Variants in ANGPT1 observed in about 807,000 individuals in gnomAD.
The protein encoded by ANGPT1 is angiopoietin 1.
In ANGPT1, 17 loss-of-function variants were observed where a neutral mutation model predicts 62.2. The observed-to-expected ratio is 0.27, with a 90% CI of 0.19 to 0.41. The LOEUF (loss-of-function observed/expected upper bound fraction) is 0.41, where lower values mean the gene tolerates loss of function less well. Ranked by LOEUF, ANGPT1 falls within the 10% of genes least tolerant of loss-of-function variation. The pLI, the probability that ANGPT1 is intolerant of heterozygous loss-of-function variation, is 1.00. For missense variants in ANGPT1, 478 were observed against 594.9 expected, an observed-to-expected ratio of 0.80 and a Z score of 2.04; for synonymous variants, 199 against 198.9, an observed-to-expected ratio of 1.00 and a Z score of 0.00.
chr8:107,272,900 AAAACT>A (rs1363825505), intron 7 of ANGPT1, among the ~76,000 whole-genome samples: 1 of 151,776 alleles, frequency 6.6e-6, no homozygotes, highest in African/African-American at 2.4e-5. Context: ...AAAAAAAAAA[AAAACT>A]GAGTGCCAAA....
At chr8:107,429,154 A>G (rs1431964930) in intron 1 of ANGPT1, among the ~76,000 whole-genome samples, 1 of 152,230 alleles carries the variant, frequency 6.6e-6, no homozygotes, top group Non-Finnish European at 1.5e-5. Context: ...AATTGCTCAA[A>G]TTAATAGGTG....
At chr8:107,272,134 T>C (rs2130073852) in intron 7 of ANGPT1, among the ~76,000 whole-genome samples, 1 of 152,174 alleles carries the variant, frequency 6.6e-6, no homozygotes, top group African/African-American at 2.4e-5. Flanking sequence ...AAGCTACAGA[T>C]GTCCTGAGGT....
At chr8:107,453,860 TA>T (rs71562146) in intron 1 of ANGPT1, among the ~76,000 whole-genome samples, 87 of 148,030 alleles carry the variant, frequency 5.9e-4, no homozygotes, top group African/African-American at 1.5e-3. Context: ...TGCTGAGATT[TA>T]AAAAAAAAAA....
At chr8:107,473,386 A>G (rs903736008) in intron 1 of ANGPT1, among the ~76,000 whole-genome samples, 5 of 152,046 alleles carry the variant, frequency 3.3e-5, no homozygotes, top group Admixed American at 2.0e-4. Flanking sequence ...ACAGTTTGCT[A>G]TTACAGAATT....
At chr8:107,338,684 T>C (rs1167992292) in intron 2 of ANGPT1, among the ~76,000 whole-genome samples, 2 of 152,192 alleles carry the variant, frequency 1.3e-5, no homozygotes, top group African/African-American at 4.8e-5. Context: ...GAAGGTAGAG[T>C]TTGGAGTAGC....
intron 4 of ANGPT1, among the ~76,000 whole-genome samples, chr8:107,314,834 A>G (rs914852957): frequency 3.9e-5 from 6 of 152,222 alleles, no homozygotes; most frequent in Non-Finnish European, 7.3e-5. Flanking sequence ...TTCCATTTTT[A>G]TCAATGTTTA....
chr8:107,288,373 C>G (rs1011234437), intron 6 of ANGPT1, among the ~76,000 whole-genome samples: 6 of 152,254 alleles, frequency 3.9e-5, no homozygotes, highest in East Asian at 1.9e-4. Context: ...CAAGCCCTCT[C>G]TTTCCATATC....
chr8:107,342,117 T>G (rs1815708741), intron 2 of ANGPT1, among the ~76,000 whole-genome samples: 1 of 152,194 alleles, frequency 6.6e-6, no homozygotes. Context: ...TGTTCTTAGT[T>G]GGGTCAGACA....
chr8:107,280,921 G>A (rs1813989863), intron 7 of ANGPT1, among the ~76,000 whole-genome samples: 1 of 152,186 alleles, frequency 6.6e-6, no homozygotes, highest in Non-Finnish European at 1.5e-5. Flanking sequence ...CTGGGTGTTA[G>A]ATGATGAGGA....
chr8:107,289,725 C>T (rs1213470736), intron 6 of ANGPT1, among the ~76,000 whole-genome samples: 2 of 152,118 alleles, frequency 1.3e-5, no homozygotes, highest in African/African-American at 4.8e-5. Context: ...GAATGGTGCT[C>T]ACACTGAAAT....
intron 1 of ANGPT1, among the ~76,000 whole-genome samples, chr8:107,496,089 G>A (rs1813087665): frequency 6.6e-6 from 1 of 152,184 alleles, no homozygotes; most frequent in African/African-American, 2.4e-5. Flanking sequence ...TAGAGCATTT[G>A]TCCTTTCCCT....
chr8:107,488,142 G>T (rs996848916), intron 1 of ANGPT1, among the ~76,000 whole-genome samples: 19 of 152,148 alleles, frequency 1.2e-4, no homozygotes, highest in African/African-American at 4.3e-4. Context: ...AGTATTTTAA[G>T]AGTCTAAAAC....
intron 2 of ANGPT1, among the ~76,000 whole-genome samples, chr8:107,344,238 C>A (rs1239444230): frequency 6.6e-6 from 1 of 152,034 alleles, no homozygotes; most frequent in Non-Finnish European, 1.5e-5. Context: ...TCCCCAAAAA[C>A]CAAATTTGCC....
At chr8:107,458,568 A>G in intron 1 of ANGPT1, among the ~76,000 whole-genome samples, 1 of 152,184 alleles carries the variant, frequency 6.6e-6, no homozygotes, top group East Asian at 1.9e-4. Context: ...ATTATTGGTG[A>G]GTGTGAATGA....
intron 1 of ANGPT1, among the ~76,000 whole-genome samples, chr8:107,474,827 A>G (rs1812469702): frequency 6.6e-6 from 1 of 152,190 alleles, no homozygotes; most frequent in Non-Finnish European, 1.5e-5. Context: ...GTGAACTCCC[A>G]TTCACAATTG....
chr8:107,255,971 T>A (rs1813348407), intron 8 of ANGPT1, among the ~76,000 whole-genome samples: 1 of 152,224 alleles, frequency 6.6e-6, no homozygotes, highest in Non-Finnish European at 1.5e-5. Flanking sequence ...TGAAAATAAT[T>A]AGACCCAAAT....
chr8:107,489,832 C>G (rs1812911361), intron 1 of ANGPT1, among the ~76,000 whole-genome samples: 1 of 151,920 alleles, frequency 6.6e-6, no homozygotes, highest in Admixed American at 6.6e-5. Flanking sequence ...AATTTCCCAA[C>G]TCCACCGCCA....
chr8:107,387,819 G>A (rs1453174320), intron 1 of ANGPT1, among the ~76,000 whole-genome samples: 1 of 151,774 alleles, frequency 6.6e-6, no homozygotes, highest in African/African-American at 2.4e-5. Context: ...TGTATTATAG[G>A]AGGAACTATT....
intron 1 of ANGPT1, among the ~76,000 whole-genome samples, chr8:107,478,843 A>C (rs1165994302): frequency 6.6e-6 from 1 of 152,146 alleles, no homozygotes; most frequent in Non-Finnish European, 1.5e-5. Flanking sequence ...GTGAGAATGA[A>C]ATAAAATAAT....
Sources: gnomAD v4.1 joint callset for allele counts (sites outside exome capture counted in the v4.1 genomes callset) on GRCh38, gnomAD v4.1.1 for gene constraint, MANE v1.5 for transcripts, NCBI Gene and HGNC (gene_info 2026-07-23, HGNC 2026-07-21) for gene names.